KATNAL2: variants seen among roughly 807,000 people sequenced by gnomAD.
The protein encoded by KATNAL2 is katanin p60 ATPase-containing subunit A-like 2.
KATNAL2 carries 52 observed loss-of-function variants against 76.3 expected under a neutral mutation model. That is an observed-to-expected ratio of 0.68 (90% confidence interval 0.55 to 0.86). The LOEUF is 0.86. Ranked by LOEUF, KATNAL2 falls within the 40% of genes least tolerant of loss-of-function variation. KATNAL2 has a pLI of 0.00. For missense variants in KATNAL2, 660 were observed against 668.9 expected, an observed-to-expected ratio of 0.99 and a Z score of 0.15; for synonymous variants, 243 against 244.2, an observed-to-expected ratio of 1.00 and a Z score of 0.05.
At chr18:46,927,562 C>T (rs1185147719) in intron 1 of KATNAL2, among the ~76,000 whole-genome samples, 3 of 152,036 alleles carry the variant, frequency 2.0e-5, no homozygotes, top group African/African-American at 4.8e-5. Context: ...AATTATGTGT[C>T]TTGGAATTGC....
Position 47,101,179 on chromosome 18 carries a change from C to A in KATNAL2, c.*174C>A. The A allele has an allele frequency of 1.5e-6, 1 of 678,738 alleles. No individual in the cohort carries two copies. The highest frequency in any genetic ancestry group is 2.4e-6 in the Non-Finnish European group (1 of 417,262). The allele number at this position is 678,738 out of a possible 1,614,324, so 42.0% of individuals were successfully genotyped here. A position where few individuals can be genotyped will look rare whatever the true frequency, so the allele number is the denominator to read the frequency against. On this transcript the variant is annotated 3_prime_UTR_variant, in exon 18 of 18. Coordinates refer to ENST00000683218, the MANE Select transcript of KATNAL2 (RefSeq NM_001387690.1). Reference sequence around the variant, plus strand: ...AGCTGAGATATATTTATTAACTTACCATTATCGATGTCAGCAAAATATTGA... The same window carrying A: ...AGCTGAGATATATTTATTAACTTACAATTATCGATGTCAGCAAAATATTGA...
intron 3 of KATNAL2, chr18:47,033,354 TC>T: frequency 6.2e-7 from 1 of 1,614,140 alleles, no homozygotes; most frequent in Non-Finnish European, 8.5e-7. Context: ...TCTTTGCCTC[TC>T]TGCCGTTGGG....
intron 3 of KATNAL2, among the ~76,000 whole-genome samples, chr18:47,040,542 A>G (rs2060927313): frequency 6.6e-6 from 1 of 152,244 alleles, no homozygotes. Flanking sequence ...TTAAAAATCA[A>G]GTATAAAAAC....
At chr18:47,031,485 C>T (rs566372355) in intron 3 of KATNAL2, among the ~76,000 whole-genome samples, 3 of 152,070 alleles carry the variant, frequency 2.0e-5, no homozygotes, top group Admixed American at 6.6e-5. Flanking sequence ...AATCATTATG[C>T]CCTGAGAATC....
intron 3 of KATNAL2, chr18:47,034,639 G>A: frequency 1.2e-6 from 2 of 1,614,044 alleles, no homozygotes; most frequent in Admixed American, 1.7e-5. Flanking sequence ...CTGGCAGCCT[G>A]GACACAGCAG....
chr18:47,031,794 T>C (rs1161890098), intron 3 of KATNAL2, among the ~76,000 whole-genome samples: 1 of 152,196 alleles, frequency 6.6e-6, no homozygotes, highest in Non-Finnish European at 1.5e-5. Context: ...GAGTTTTATA[T>C]GGTTACTGGC....
intron 3 of KATNAL2, among the ~76,000 whole-genome samples, chr18:46,950,095 C>A (rs1434813305): frequency 6.6e-6 from 1 of 152,174 alleles, no homozygotes; most frequent in East Asian, 1.9e-4. Flanking sequence ...CCTAATCTAA[C>A]GTCTGACAAC....
At chr18:47,032,797 T>G in intron 3 of KATNAL2, 1 of 873,314 alleles carries the variant, frequency 1.1e-6, no homozygotes, top group Non-Finnish European at 1.7e-6. Flanking sequence ...TTCTGAATTC[T>G]GAGGTGTTCT....
chr18:47,062,099 G>C (rs2061651401), intron 8 of KATNAL2, among the ~76,000 whole-genome samples: 1 of 152,136 alleles, frequency 6.6e-6, no homozygotes, highest in African/African-American at 2.4e-5. Flanking sequence ...TTAGAAGTAG[G>C]CTGGGTATGC....
At chr18:46,930,226 C>T (rs576524423) in intron 1 of KATNAL2, among the ~76,000 whole-genome samples, 1 of 152,306 alleles carries the variant, frequency 6.6e-6, no homozygotes, top group South Asian at 2.1e-4. Flanking sequence ...ATCAGCCCTT[C>T]TTTGAAATGC....
At chr18:46,919,463 G>A (rs1039574246) in intron 1 of KATNAL2, among the ~76,000 whole-genome samples, 1 of 151,440 alleles carries the variant, frequency 6.6e-6, no homozygotes, top group Non-Finnish European at 1.5e-5. Context: ...TCCAGCCTGG[G>A]CAACAAAAGC....
chr18:47,086,456 C>T (rs2062777279), intron 15 of KATNAL2, among the ~76,000 whole-genome samples: 1 of 152,164 alleles, frequency 6.6e-6, no homozygotes, highest in South Asian at 2.1e-4. Context: ...GCTGGGATTA[C>T]AGACACCCAC....
intron 3 of KATNAL2, among the ~76,000 whole-genome samples, chr18:46,948,250 G>A (rs7245049): frequency 0.53 from 79,860 of 150,722 alleles, 21,319 homozygotes; most frequent in Middle Eastern, 0.58. Context: ...AGCTGGGACT[G>A]CAGTTATGCG....
chr18:47,042,523 T>C (rs1278806942), intron 3 of KATNAL2, among the ~76,000 whole-genome samples: 1 of 152,196 alleles, frequency 6.6e-6, no homozygotes, highest in East Asian at 1.9e-4. Flanking sequence ...TCATTATGAC[T>C]TTAAATCATA....
At chr18:47,038,420 C>T (rs935616393) in intron 3 of KATNAL2, among the ~76,000 whole-genome samples, 27 of 152,312 alleles carry the variant, frequency 1.8e-4, no homozygotes, top group African/African-American at 6.5e-4. Context: ...CACTATCCTA[C>T]CTGTGGGTAG....
chr18:47,089,228 T>C (rs2062899830), intron 15 of KATNAL2, among the ~76,000 whole-genome samples: 1 of 152,216 alleles, frequency 6.6e-6, no homozygotes, highest in Non-Finnish European at 1.5e-5. Context: ...CCCTTGAGAA[T>C]TCTGGCCCTG....
At chr18:47,048,828 CTTTT>C (rs35366730) in intron 4 of KATNAL2, among the ~76,000 whole-genome samples, 27 of 76,764 alleles carry the variant, frequency 3.5e-4, no homozygotes, top group African/African-American at 1.2e-3. Context: ...AAGCCAGACT[CTTTT>C]TTTTTTTTTT....
intron 1 of KATNAL2, among the ~76,000 whole-genome samples, chr18:46,933,870 T>C (rs944129189): frequency 2.7e-5 from 4 of 145,990 alleles, no homozygotes; most frequent in Non-Finnish European, 6.0e-5. Context: ...ATTGTTCAAT[T>C]CCCACCTATG....
chr18:47,031,036 C>T (rs2060395887), intron 3 of KATNAL2, among the ~76,000 whole-genome samples: 1 of 66,110 alleles, frequency 1.5e-5, no homozygotes, highest in African/African-American at 4.7e-5. Flanking sequence ...CCGCCCCCAA[C>T]GGTGGCCATG....
Sources: allele counts gnomAD v4.1 joint callset (sites outside exome capture counted in the v4.1 genomes callset), GRCh38; gene constraint gnomAD v4.1.1; transcripts MANE v1.5; gene names NCBI Gene and HGNC (gene_info 2026-07-23, HGNC 2026-07-21).